BRWD3: variants seen among roughly 807,000 people sequenced by gnomAD.
The protein encoded by BRWD3 is bromodomain and WD repeat domain containing 3.
In BRWD3, 10 loss-of-function variants were observed where a neutral mutation model predicts 149.7. That is an observed-to-expected ratio of 0.07 (90% confidence interval 0.04 to 0.11). The LOEUF (loss-of-function observed/expected upper bound fraction) is 0.11, where lower values mean the gene tolerates loss of function less well. BRWD3 is among the 10% of genes least tolerant of loss of function. BRWD3 has a pLI of 1.00. For missense variants in BRWD3, 940 were observed against 1,373.2 expected, an observed-to-expected ratio of 0.68 and a Z score of 4.99; for synonymous variants, 504 against 456.7, an observed-to-expected ratio of 1.10 and a Z score of -1.32.
chrX:80,713,090 C>T (rs1387139665), intron 20 of BRWD3, among the ~76,000 whole-genome samples: 6 of 106,996 alleles, frequency 5.6e-5, no homozygotes, highest in African/African-American at 2.1e-4. Context: ...CCCTGCCCGG[C>T]CAGCCGCCCC....
intron 12 of BRWD3, among the ~76,000 whole-genome samples, chrX:80,730,964 T>C (rs1347505027): frequency 1.8e-5 from 2 of 111,987 alleles, no homozygotes; most frequent in Non-Finnish European, 3.8e-5. Flanking sequence ...TGATCAACTG[T>C]TGTTTCCAAT....
chrX:80,788,444 T>C (rs2074139999), intron 6 of BRWD3, among the ~76,000 whole-genome samples: 1 of 111,805 alleles, frequency 8.9e-6, no homozygotes, highest in Non-Finnish European at 1.9e-5. Context: ...ATCTACAGAC[T>C]GGCAAATATG....
At chrX:80,700,404 ATCCAATCAAC>A (rs1479882112) in intron 24 of BRWD3, among the ~76,000 whole-genome samples, 3 of 88,451 alleles carry the variant, frequency 3.4e-5, no homozygotes, top group African/African-American at 1.2e-4. Context: ...GCATCAACAA[ATCCAATCAAC>A]TGCAGATTGA....
chrX:80,675,653 T>C lies in BRWD3; in HGVS notation c.*956A>G, dbSNP rs993274144. Reference sequence around the variant, plus strand: ...AGTCAGTAAGGAATAACAGCATCTATTTTCCTTAATGTTTCCAGTAGTTGT... The same window carrying C: ...AGTCAGTAAGGAATAACAGCATCTACTTTCCTTAATGTTTCCAGTAGTTGT... On this transcript the variant is annotated 3_prime_UTR_variant, in exon 41 of 41. Transcript: ENST00000373275. 1 of 112,063 alleles carries C rather than the reference T, an allele frequency of 8.9e-6. No homozygotes were observed. The allele number at this position is 112,063 out of a possible 1,213,427, so 9.2% of individuals were successfully genotyped here. A position where few individuals can be genotyped will look rare whatever the true frequency, so the allele number is the denominator to read the frequency against.
chrX:80,785,134 G>A (rs185450304), intron 6 of BRWD3, among the ~76,000 whole-genome samples: 91 of 112,258 alleles, frequency 8.1e-4, no homozygotes, highest in African/African-American at 2.7e-3. Context: ...ATAGTAATAG[G>A]TGATAGTGTA....
chrX:80,678,320 G>A (rs981509495), intron 40 of BRWD3, among the ~76,000 whole-genome samples: 1 of 111,948 alleles, frequency 8.9e-6, no homozygotes, highest in Non-Finnish European at 1.9e-5. Context: ...AGCACAGAAT[G>A]AAGACTGACT....
At chrX:80,770,477 A>G (rs878874660) in intron 6 of BRWD3, among the ~76,000 whole-genome samples, 3 of 111,856 alleles carry the variant, frequency 2.7e-5, no homozygotes, top group African/African-American at 9.8e-5. Context: ...AATCCAGCAT[A>G]TAAACAGAAC....
chrX:80,710,608 C>T, intron 20 of BRWD3: 1 of 502,247 alleles, frequency 2.0e-6, no homozygotes. Flanking sequence ...GATGTGTCTC[C>T]AATCCTGGAA....
In BRWD3 at chrX:80,695,999, A is replaced by C. The variant is rs1284437322; in HGVS notation, c.3069-9T>G. 8.6e-7 allele frequency: 1 copy of C among 1,160,233 alleles called. No homozygotes were observed. The highest frequency in any genetic ancestry group is 3.0e-5 in the East Asian group (1 of 33,540). On this transcript the variant is annotated splice_polypyrimidine_tract_variant and intron_variant, in intron 26 of 40. Coordinates refer to ENST00000373275, the MANE Select transcript of BRWD3 (RefSeq NM_153252.5). ...CCGGCATGTCATGATACCTATACAGAAAATAAAGCACATATGAATCAATAT... is the reference window on the plus strand; with the variant it reads ...CCGGCATGTCATGATACCTATACAGCAAATAAAGCACATATGAATCAATAT...
In BRWD3 at chrX:80,689,803, T is replaced by G. The variant is rs1047516030; in HGVS notation, c.3772A>C (p.Lys1258Gln). 8.3e-7 allele frequency: 1 copy of G among 1,202,189 alleles called. No homozygotes were observed. The highest frequency in any genetic ancestry group is 1.8e-5 in the African/African-American group (1 of 57,116). The change falls in exon 33 of 41, where the codon AAA becomes CAA. Residue 1258 changes from lysine to glutamine, a missense_variant. This residue lies in a region of BRWD3 where 349 missense variants were observed against 419.6 expected (regional missense o/e 0.83). Transcript: ENST00000373275. Reference sequence around the variant, plus strand: ...TCAGTACTGTTTCGTTCTTCTGCTTTAATTTTATTATAAGTATCCAGTATA... The same window carrying G: ...TCAGTACTGTTTCGTTCTTCTGCTTGAATTTTATTATAAGTATCCAGTATA... ...TDILDTYNKI[K>Q]AEERNSTDAE...
intron 40 of BRWD3, 89 bp from the exon 41 acceptor site, chrX:80,677,452 AAT>A: frequency 8.4e-6 from 9 of 1,073,760 alleles, no homozygotes; most frequent in Non-Finnish European, 1.1e-5. Context: ...AGTTCCCAAA[AAT>A]ATGTGGAATA....
At chrX:80,754,229 C>T (rs2073709092) in intron 6 of BRWD3, among the ~76,000 whole-genome samples, 1 of 111,558 alleles carries the variant, frequency 9.0e-6, no homozygotes, top group Non-Finnish European at 1.9e-5. Flanking sequence ...GATCTTTCAC[C>T]TCCTTGGTTA....
chrX:80,673,752 G>A lies in BRWD3; in HGVS notation c.*2857C>T, dbSNP rs1229326969. The A allele has an allele frequency of 9.0e-6, 1 of 111,544 alleles. No individual in the cohort carries two copies. Among genetic ancestry groups the A allele is most frequent in the African/African-American group, 3.2e-5 (1 of 30,771 alleles). The allele number at this position is 111,544 out of a possible 1,213,427, so 9.2% of individuals were successfully genotyped here. On this transcript the variant is annotated 3_prime_UTR_variant, in exon 41 of 41. Transcript: ENST00000373275. ...CTATTCATATCTAGCATAGGATTAG[G>A]TTTATACATGTATATGCTCTCACGG...
intron 21 of BRWD3, among the ~76,000 whole-genome samples, chrX:80,708,137 T>C (rs1014792971): frequency 4.5e-5 from 5 of 112,112 alleles, no homozygotes; most frequent in Admixed American, 9.5e-5. Flanking sequence ...GGCTCAACCC[T>C]GTAATCCCAG....
At chrX:80,693,265 T>C (rs1015543237) in intron 27 of BRWD3, among the ~76,000 whole-genome samples, 3 of 112,366 alleles carry the variant, frequency 2.7e-5, no homozygotes, top group Admixed American at 9.4e-5. Flanking sequence ...ATAAATTACA[T>C]ATGACCACAT....
intron 36 of BRWD3, among the ~76,000 whole-genome samples, chrX:80,684,868 G>A (rs1169486062): frequency 2.7e-5 from 3 of 110,752 alleles, no homozygotes; most frequent in African/African-American, 9.8e-5. Flanking sequence ...ACCATACTCA[G>A]TATTAGATCC....
intron 15 of BRWD3, 130 bp from the exon 16 acceptor site, chrX:80,724,006 G>T: frequency 1.3e-6 from 1 of 772,077 alleles, no homozygotes; most frequent in Non-Finnish European, 1.9e-6. Context: ...TCTGGCTTCT[G>T]CAGCCAGAAC....
In BRWD3 at chrX:80,709,528, T is replaced by C; in HGVS notation, c.2375A>G (p.Lys792Arg). ...CCGTGTTTGGTAAGTATGCTGACGT[T>C]TGCGCTGTGTCCTGCGTAAAGAACG... Reference protein sequence around the residue: ...CGRSLRRTQRKRQHTYQTRSN... With the variant: ...CGRSLRRTQRRRQHTYQTRSN... Residue 792 changes from lysine (K) to arginine (R), a missense_variant, in exon 21 of 41, where the codon AAA (lysine) becomes AGA (arginine). By Grantham distance (26) the Lys-to-Arg change is conservative. Around this residue, in one of 6 missense-constraint regions of BRWD3, gnomAD observed 103 missense variants for 103.2 expected, o/e 1.00. Transcript: ENST00000373275. The C allele has an allele frequency of 8.3e-7, 1 of 1,210,568 alleles. No individual in the cohort carries two copies.
At chrX:80,685,104 T>C (rs2072503495) in intron 36 of BRWD3, among the ~76,000 whole-genome samples, 1 of 111,851 alleles carries the variant, frequency 8.9e-6, no homozygotes, top group Non-Finnish European at 1.9e-5. Flanking sequence ...ACTTGTGTAG[T>C]ATGATGACCA....
Sources: allele counts gnomAD v4.1 joint callset (sites outside exome capture counted in the v4.1 genomes callset), GRCh38; gene constraint gnomAD v4.1.1; regional missense constraint gnomAD v4.1.1; transcripts MANE v1.5; gene names NCBI Gene and HGNC (gene_info 2026-07-23, HGNC 2026-07-21).